Variants in ADAP1 observed in about 807,000 individuals in gnomAD.
ADAP1 encodes arf-GAP with dual PH domain-containing protein 1.
ADAP1 carries 31 observed loss-of-function variants against 54.9 expected under a neutral mutation model. The ratio of observed to expected loss-of-function variants is 0.56; its 90% CI spans 0.42 to 0.76. ADAP1 has a LOEUF of 0.76. Among genes scored for constraint, ADAP1 ranks in the 30% least tolerant of loss-of-function variants. ADAP1 has a pLI of 0.00. For missense variants in ADAP1, 535 were observed against 512.4 expected (o/e 1.04, Z -0.42); for synonymous variants, 313 against 202.6 (o/e 1.55, Z -4.63).
At chr7:912,053 G>A (rs893449575) in intron 4 of ADAP1, among the ~76,000 whole-genome samples, 7 of 152,168 alleles carry the variant, frequency 4.6e-5, no homozygotes, top group Non-Finnish European at 8.8e-5. Flanking sequence ...CTATATGGAC[G>A]GGGAAACCGA....
intron 4 of ADAP1, among the ~76,000 whole-genome samples, chr7:907,529 G>A (rs573732571): frequency 1.3e-5 from 2 of 152,278 alleles, no homozygotes; most frequent in East Asian, 1.9e-4. Context: ...CTGAGCTGCG[G>A]TCAGTGACCC....
intron 4 of ADAP1, among the ~76,000 whole-genome samples, chr7:912,376 C>A (rs1355807373): frequency 1.3e-5 from 2 of 152,182 alleles, no homozygotes; most frequent in Non-Finnish European, 2.9e-5. Context: ...CCAGGGTCAC[C>A]CCCAGGGGCA....
chr7:908,431 C>T (rs998708760), intron 4 of ADAP1, among the ~76,000 whole-genome samples: 1 of 152,188 alleles, frequency 6.6e-6, no homozygotes, highest in Non-Finnish European at 1.5e-5. Flanking sequence ...ACGGGGCCTG[C>T]TCCCCTCACT....
Position 905,106 on chromosome 7 carries a change from A to C in ADAP1, c.455T>G (p.Val152Gly), listed in dbSNP as rs1428490122. The C allele has an allele frequency of 1.2e-6, 2 of 1,612,464 alleles. No homozygotes were observed. Among genetic ancestry groups the C allele is most frequent in the Non-Finnish European group, 1.7e-6 (2 of 1,179,898 alleles). The stretch of plus-strand genomic sequence containing the variant: ...CAGAGCACCCTCTCGTTCTGTCAGC[A>C]CAAACTTCCGGCTCAAAAACTGCCC... ...DNGQFLSRKF[V>G]LTEREGALKY... is the part of the protein sequence containing the mutation. The change falls in exon 5 of 11, where the codon GTG becomes GGG. Residue 152 changes from valine to glycine, a missense_variant. Physicochemically the swap from Val to Gly is moderately radical, Grantham distance 109. Transcript: ENST00000265846.
chr7:919,980 G>C lies in ADAP1; in HGVS notation c.376C>G (p.Pro126Ala). 1 of 1,605,880 alleles carries C rather than the reference G, an allele frequency of 6.2e-7. No homozygotes were observed. Among genetic ancestry groups the C allele is most frequent in the East Asian group, 2.2e-5 (1 of 44,746 alleles). The change falls in exon 4 of 11, where the codon CCC (proline) becomes GCC (alanine). Residue 126 changes from proline (P) to alanine (A), a missense_variant. Physicochemically the swap from Pro to Ala is conservative, Grantham distance 27 (BLOSUM62 -1). Transcript: ENST00000265846. ...QEFIYPEKQE[P>A]YSAGYREGFL... ...CGGGTGGCCTCACCTGCCGAGTAGG[G>C]CTCCTGCTTCTCCGGGTAGATGAAC... is the stretch of plus-strand genomic sequence containing the variant.
intron 4 of ADAP1, among the ~76,000 whole-genome samples, chr7:915,416 G>T (rs1262457967): frequency 2.6e-5 from 4 of 152,238 alleles, no homozygotes; most frequent in Admixed American, 2.6e-4. Flanking sequence ...CTGGTGCTGC[G>T]GACGTGGCCG....
At chr7:902,169 A>G (rs991338077) in intron 6 of ADAP1, among the ~76,000 whole-genome samples, 17 of 151,076 alleles carry the variant, frequency 1.1e-4, no homozygotes, top group Non-Finnish European at 1.9e-4. Context: ...TAAAAATACA[A>G]AAATTGCGGC....
At chr7:942,103 G>A (rs1288150780) in intron 1 of ADAP1, among the ~76,000 whole-genome samples, 6 of 152,232 alleles carry the variant, frequency 3.9e-5, no homozygotes, top group Admixed American at 3.3e-4. Context: ...CCACAACACA[G>A]TAAACAACCA....
chr7:924,244 CCCCT>C (rs1267506866), intron 3 of ADAP1, among the ~76,000 whole-genome samples: 2 of 111,470 alleles, frequency 1.8e-5, no homozygotes, highest in African/African-American at 7.3e-5. Flanking sequence ...CATGCTGCAC[CCCCT>C]CCCCGCCCTC....
In ADAP1 at chr7:916,756, T is replaced by TG. The variant is rs557395557; in HGVS notation, c.388+3211dup. ...GGCTGGCTGTGTGCCAAGTGGGGGTTGGGGGGGCAGGAGCTGCCCTGGAGG... is the reference window on the plus strand; with the variant it reads ...GGCTGGCTGTGTGCCAAGTGGGGGTTGGGGGGGGCAGGAGCTGCCCTGGAGG... On this transcript the variant is annotated intron_variant, in intron 4 of 10. Coordinates refer to ENST00000265846, the MANE Select transcript of ADAP1 (RefSeq NM_006869.4). Among the ~76,000 whole-genome samples, 919 of 151,930 alleles carry TG rather than the reference T, an allele frequency of 6.0e-3. 4 individuals carry two copies. The highest frequency in any genetic ancestry group is 0.014 in the Middle Eastern group (4 of 294).
At chr7:952,967 G>A (rs1356344434) in intron 1 of ADAP1, among the ~76,000 whole-genome samples, 1 of 152,154 alleles carries the variant, frequency 6.6e-6, no homozygotes, top group Non-Finnish European at 1.5e-5. Context: ...AGGCTGGGAG[G>A]CCCAGAGGGT....
intron 4 of ADAP1, among the ~76,000 whole-genome samples, chr7:919,679 GGA>G (rs145787797): frequency 0.049 from 3,228 of 65,540 alleles, 211 homozygotes; most frequent in South Asian, 0.066. Flanking sequence ...ACAGAAGGAG[GGA>G]GAGAGAGAGA....
At chr7:902,489 GAA>G (rs951159109) in intron 6 of ADAP1, among the ~76,000 whole-genome samples, 3 of 138,862 alleles carry the variant, frequency 2.2e-5, no homozygotes, top group Non-Finnish European at 4.7e-5. Context: ...AAGAAAGAAA[GAA>G]AAATAAATAC....
At chr7:902,942 C>A (rs1844895251) in intron 6 of ADAP1, among the ~76,000 whole-genome samples, 1 of 152,130 alleles carries the variant, frequency 6.6e-6, no homozygotes, top group African/African-American at 2.4e-5. Context: ...GGAGGTAGAA[C>A]AGTCCAAGGT....
intron 1 of ADAP1, among the ~76,000 whole-genome samples, chr7:951,772 C>T (rs1056504826): frequency 4.6e-5 from 7 of 152,146 alleles, no homozygotes; most frequent in Admixed American, 6.5e-5. Context: ...CCAGTCCTTC[C>T]GGGGCATCAG....
chr7:905,619 AAG>A, intron 4 of ADAP1: 1 of 182,980 alleles, frequency 5.5e-6, no homozygotes, highest in African/African-American at 2.3e-5. Flanking sequence ...AGAAAGGAGA[AAG>A]GGAAAGGAGA....
At chr7:944,930 G>A (rs1207389463) in intron 1 of ADAP1, among the ~76,000 whole-genome samples, 1 of 152,016 alleles carries the variant, frequency 6.6e-6, no homozygotes, top group Non-Finnish European at 1.5e-5. Context: ...GTGACTCTGG[G>A]CGATGTCTTA....
intron 1 of ADAP1, among the ~76,000 whole-genome samples, chr7:950,856 CAAAAAAAAAAAAA>C (rs34720533): frequency 1.2e-5 from 1 of 84,978 alleles, no homozygotes; most frequent in African/African-American, 4.8e-5. Flanking sequence ...GACTCCGTCT[CAAAAAAAAAAAAA>C]AAAAAAAAAC....
rs1844659837 is a variant in ADAP1 at position 899,281 on chromosome 7, T to C, written c.868-20A>G. On this transcript the variant is annotated intron_variant, in intron 9 of 10. Coordinates refer to ENST00000265846, the MANE Select transcript of ADAP1 (RefSeq NM_006869.4). ...GGCGTCCTGTGGGTGGGGACCGCAC[T>C]GGAGGCGGGGCCATGTCCCTTCCAG... 1.9e-6 allele frequency: 3 copies of C among 1,611,732 alleles called. No individual in the cohort carries two copies. The highest frequency in any genetic ancestry group is 2.2e-5 in the East Asian group (1 of 44,862).
Sources: gnomAD v4.1 joint callset for allele counts (sites outside exome capture counted in the v4.1 genomes callset) on GRCh38, gnomAD v4.1.1 for gene constraint, MANE v1.5 for transcripts, NCBI Gene and HGNC (gene_info 2026-07-23, HGNC 2026-07-21) for gene names.